BMPER: variants seen among roughly 807,000 people sequenced by gnomAD.
The protein encoded by BMPER is BMP-binding endothelial regulator protein.
A neutral mutation model predicts 87.3 loss-of-function variants in BMPER; 45 were observed. The ratio of observed to expected loss-of-function variants is 0.52; its 90% CI spans 0.41 to 0.66. The LOEUF (loss-of-function observed/expected upper bound fraction) is 0.66. Among genes scored for constraint, BMPER ranks in the 30% least tolerant of loss-of-function variants. BMPER has a pLI of 0.00. For synonymous variants in BMPER, 326 were observed against 316.2 expected, an observed-to-expected ratio of 1.03 and a Z score of -0.33; for missense variants, 784 against 867.5, an observed-to-expected ratio of 0.90 and a Z score of 1.21.
At chr7:33,971,185 G>A (rs1020027691) in intron 5 of BMPER, among the ~76,000 whole-genome samples, 12 of 151,762 alleles carry the variant, frequency 7.9e-5, no homozygotes, top group Admixed American at 4.6e-4. Context: ...TGCTTTTGAG[G>A]TTAATCTCCA....
At chr7:33,929,233 A>C (rs1784428764) in intron 2 of BMPER, among the ~76,000 whole-genome samples, 1 of 152,158 alleles carries the variant, frequency 6.6e-6, no homozygotes, top group Non-Finnish European at 1.5e-5. Context: ...ATGGAGTGCA[A>C]TGAATTGCAT....
At chr7:33,960,866 A>T (rs1785253200) in intron 3 of BMPER, among the ~76,000 whole-genome samples, 1 of 152,216 alleles carries the variant, frequency 6.6e-6, no homozygotes, top group Non-Finnish European at 1.5e-5. Flanking sequence ...TTAAGCATTT[A>T]TCAAGTGCTT....
chr7:34,043,913 T>C (rs1019453274), intron 6 of BMPER, among the ~76,000 whole-genome samples: 3 of 152,192 alleles, frequency 2.0e-5, no homozygotes, highest in African/African-American at 2.4e-5. Flanking sequence ...ACTTCTGTGA[T>C]TTTACTCTCT....
intron 10 of BMPER, among the ~76,000 whole-genome samples, chr7:34,060,499 G>T (rs1788409168): frequency 6.6e-6 from 1 of 152,296 alleles, no homozygotes; most frequent in East Asian, 1.9e-4. Context: ...CCACACTATG[G>T]GATGACTGGC....
chr7:33,943,179 A>G (rs781663274), intron 3 of BMPER, among the ~76,000 whole-genome samples: 3 of 152,204 alleles, frequency 2.0e-5, no homozygotes, highest in Admixed American at 6.5e-5. Flanking sequence ...CTCAGAAATA[A>G]CAACTGTTAC....
intron 3 of BMPER, among the ~76,000 whole-genome samples, chr7:33,952,690 A>G (rs750496155): frequency 1.3e-5 from 2 of 152,204 alleles, no homozygotes; most frequent in Non-Finnish European, 2.9e-5. Flanking sequence ...AAAAATGATC[A>G]TGATGCTGAA....
At chr7:33,911,076 A>T (rs867676335) in intron 2 of BMPER, among the ~76,000 whole-genome samples, 1 of 152,258 alleles carries the variant, frequency 6.6e-6, no homozygotes, top group Non-Finnish European at 1.5e-5. Context: ...GCACAAATAC[A>T]TAGATTGCCT....
chr7:34,078,791 C>T (rs1788932232), intron 11 of BMPER, 66 bp from the exon 12 acceptor site: 1 of 1,525,426 alleles, frequency 6.6e-7, no homozygotes. Flanking sequence ...CAGCAGGTGC[C>T]CCTGATTTCT....
At chr7:33,912,588 G>A (rs1783991491) in intron 2 of BMPER, among the ~76,000 whole-genome samples, 1 of 152,188 alleles carries the variant, frequency 6.6e-6, no homozygotes, top group Non-Finnish European at 1.5e-5. Context: ...AAGGCAAAAT[G>A]ATGGAAAAAT....
intron 3 of BMPER, among the ~76,000 whole-genome samples, chr7:33,944,848 A>G (rs1455036097): frequency 1.3e-5 from 2 of 152,206 alleles, no homozygotes; most frequent in Non-Finnish European, 2.9e-5. Flanking sequence ...CTTTACTACT[A>G]TGCTCATTCT....
intron 13 of BMPER, among the ~76,000 whole-genome samples, chr7:34,129,608 G>A (rs1445887352): frequency 5.8e-5 from 5 of 86,456 alleles, no homozygotes; most frequent in African/African-American, 2.4e-4. Context: ...GAGAGAGAGA[G>A]AAAGAGAGAG....
intron 13 of BMPER, among the ~76,000 whole-genome samples, chr7:34,124,200 G>T (rs1427411481): frequency 6.6e-6 from 1 of 151,908 alleles, no homozygotes; most frequent in Non-Finnish European, 1.5e-5. Context: ...TCCTCTTTTA[G>T]GTACATCTTC....
intron 13 of BMPER, among the ~76,000 whole-genome samples, chr7:34,116,040 T>G (rs1790110165): frequency 6.6e-6 from 1 of 152,226 alleles, no homozygotes; most frequent in Admixed American, 6.5e-5. Flanking sequence ...TAGTTTTGGT[T>G]TGCATTTTCT....
chr7:34,025,119 T>G lies in BMPER; in HGVS notation c.577-21187T>G, dbSNP rs1585749066. Among the ~76,000 whole-genome samples the G allele has an allele frequency of 3.3e-5, 5 of 152,244 alleles. No individual in the cohort carries two copies. In the East Asian group the frequency reaches 9.7e-4, roughly 30 times the overall value. On this transcript the variant is annotated intron_variant, in intron 6 of 14. Transcript: ENST00000649409. Reference sequence around the variant, plus strand: ...AATTGTTTGTATGTAGTCATGTAATTGCTGTTTATAAACAAGCTTGAAAGT... The same window carrying G: ...AATTGTTTGTATGTAGTCATGTAATGGCTGTTTATAAACAAGCTTGAAAGT...
At position 34,074,463 on chromosome 7, in the gene BMPER, C is replaced by T. The variant is rs7795125; in HGVS notation, c.1079-4394C>T. ...TCAGAGGCCTCCATCACTGTTCAGG[C>T]AGGGCCTAGACAAACAGCCTTTCCT... On this transcript the variant is annotated intron_variant, in intron 11 of 14. Coordinates refer to ENST00000649409, the MANE Select transcript of BMPER (RefSeq NM_001365308.1). 4.3e-3 allele frequency among the ~76,000 whole-genome samples: 651 copies of T among 152,336 alleles called. 6 individuals are homozygous for T. The highest frequency in any genetic ancestry group is 0.014 in the African/African-American group (597 of 41,574).
At chr7:33,918,772 A>G (rs1784144749) in intron 2 of BMPER, among the ~76,000 whole-genome samples, 1 of 152,208 alleles carries the variant, frequency 6.6e-6, no homozygotes, top group African/African-American at 2.4e-5. Context: ...TGAAACAATG[A>G]TTCTGGTGCC....
At chr7:33,910,726 T>C (rs1783937859) in intron 2 of BMPER, among the ~76,000 whole-genome samples, 1 of 152,232 alleles carries the variant, frequency 6.6e-6, no homozygotes, top group Non-Finnish European at 1.5e-5. Flanking sequence ...GGGCTCCACC[T>C]GTCTTGGAGC....
At chr7:33,914,176 A>G (rs1562626872) in intron 2 of BMPER, among the ~76,000 whole-genome samples, 2 of 151,984 alleles carry the variant, frequency 1.3e-5, no homozygotes, top group African/African-American at 4.8e-5. Flanking sequence ...CGTGTTAGCC[A>G]GGATGGTCTC....
chr7:33,978,629 G>T (rs1441330324), intron 6 of BMPER, among the ~76,000 whole-genome samples: 1 of 152,172 alleles, frequency 6.6e-6, no homozygotes, highest in Non-Finnish European at 1.5e-5. Flanking sequence ...GTCTTTAGCA[G>T]CAAGAGGAAG....
Sources: gnomAD v4.1 joint callset for allele counts (sites outside exome capture counted in the v4.1 genomes callset) on GRCh38, gnomAD v4.1.1 for gene constraint, MANE v1.5 for transcripts, NCBI Gene and HGNC (gene_info 2026-07-23, HGNC 2026-07-21) for gene names.